The following PPEF1 variants were observed in gnomAD, a reference collection of about 807,000 sequenced individuals.
PPEF1 encodes the protein protein phosphatase with EF-hand domain 1.
PPEF1 carries 12 observed loss-of-function variants against 53.3 expected under a neutral mutation model. That is an observed-to-expected ratio of 0.23 (90% CI 0.14 to 0.36). The LOEUF (loss-of-function observed/expected upper bound fraction) is 0.36. Ranked by LOEUF, PPEF1 falls within the 10% of genes least tolerant of loss-of-function variation. PPEF1 has a pLI of 1.00. For missense variants in PPEF1, 334 were observed against 490.4 expected (o/e 0.68, Z 3.01); for synonymous variants, 165 against 176.7 (o/e 0.93, Z 0.52).
chrX:18,779,282 T>G, intron 7 of PPEF1, 106 bp downstream of exon 7: 1 of 770,292 alleles, frequency 1.3e-6, no homozygotes, highest in East Asian at 3.3e-5. Flanking sequence ...GGAAGAGGGA[T>G]GAGGGGGATC....
chrX:18,768,315 G>A (rs956314061), intron 6 of PPEF1, among the ~76,000 whole-genome samples: 2 of 111,967 alleles, frequency 1.8e-5, no homozygotes, highest in Admixed American at 1.9e-4. Context: ...AAAACCTCAG[G>A]CTTTGAATTA....
intron 9 of PPEF1, among the ~76,000 whole-genome samples, chrX:18,788,088 G>A (rs886936564): frequency 2.7e-5 from 3 of 111,478 alleles, no homozygotes; most frequent in African/African-American, 6.5e-5. Flanking sequence ...AGGCCAAGGC[G>A]GGCGGATCAC....
intron 12 of PPEF1, among the ~76,000 whole-genome samples, chrX:18,811,954 T>G (rs1358183894): frequency 9.0e-6 from 1 of 111,124 alleles, no homozygotes; most frequent in Non-Finnish European, 1.9e-5. Flanking sequence ...TTCTGTGGGA[T>G]CTCTTATCCC....
intron 3 of PPEF1, among the ~76,000 whole-genome samples, chrX:18,742,578 G>T (rs2045203709): frequency 9.0e-6 from 1 of 111,195 alleles, no homozygotes; most frequent in South Asian, 3.8e-4. Flanking sequence ...TTACCTCTCG[G>T]CCAGGTGCAG....
intron 6 of PPEF1, among the ~76,000 whole-genome samples, chrX:18,773,108 C>T (rs1487806010): frequency 1.8e-5 from 2 of 112,527 alleles, no homozygotes; most frequent in Non-Finnish European, 3.8e-5. Context: ...AATTAGGCTT[C>T]ACCTTGTAAA....
At chrX:18,805,570 C>A (rs2046641202) in intron 11 of PPEF1, among the ~76,000 whole-genome samples, 1 of 110,875 alleles carries the variant, frequency 9.0e-6, no homozygotes. Flanking sequence ...CCTGGCTGGG[C>A]ACGGTGGCTC....
At chrX:18,764,725 A>G (rs1428198709) in intron 6 of PPEF1, among the ~76,000 whole-genome samples, 1 of 111,822 alleles carries the variant, frequency 8.9e-6, no homozygotes, top group African/African-American at 3.3e-5. Context: ...TGTGGAGAAC[A>G]ACAACAAACC....
At chrX:18,696,315 G>A (rs1233435134) in intron 4 of PPEF1, among the ~76,000 whole-genome samples, 2 of 89,043 alleles carry the variant, frequency 2.2e-5, no homozygotes, top group Non-Finnish European at 4.7e-5. Flanking sequence ...ACCACACCCA[G>A]CTAATTTTTT....
At chrX:18,733,665 C>A in intron 2 of PPEF1, 83 bp from the exon 3 acceptor site, 1 of 791,879 alleles carries the variant, frequency 1.3e-6, no homozygotes, top group Non-Finnish European at 1.8e-6. Flanking sequence ...AGAGTAAGGG[C>A]ACTCGGGTGG....
chrX:18,785,766 C>T (rs1370708222), intron 9 of PPEF1, among the ~76,000 whole-genome samples: 1 of 110,418 alleles, frequency 9.1e-6, no homozygotes, highest in Non-Finnish European at 1.9e-5. Flanking sequence ...CCTGTGGTCC[C>T]AGCTACTTGG....
intron 6 of PPEF1, among the ~76,000 whole-genome samples, chrX:18,775,415 G>A (rs1246678619): frequency 9.1e-6 from 1 of 109,713 alleles, no homozygotes; most frequent in Non-Finnish European, 1.9e-5. Flanking sequence ...AGTAGAGATG[G>A]GGTTTCACCA....
intron 5 of PPEF1, 95 bp from the exon 6 acceptor site, chrX:18,761,435 G>A: frequency 1.3e-6 from 1 of 776,945 alleles, no homozygotes; most frequent in Non-Finnish European, 2.0e-6. Flanking sequence ...CCAATGCCCT[G>A]AGAACACTTG....
chrX:18,815,759 C>T (rs2046894909), intron 12 of PPEF1, among the ~76,000 whole-genome samples: 2 of 107,002 alleles, frequency 1.9e-5, no homozygotes, highest in Admixed American at 2.1e-4. Flanking sequence ...TTTCAAAGAA[C>T]CAATTTTTAG....
At chrX:18,749,697 G>A in intron 3 of PPEF1, 95 bp from the exon 4 acceptor site, 1 of 627,952 alleles carries the variant, frequency 1.6e-6, no homozygotes, top group South Asian at 2.9e-5. Flanking sequence ...CCTTACATGG[G>A]CTAGGTATTC....
chrX:18,763,979 A>G (rs1249813128), intron 6 of PPEF1, among the ~76,000 whole-genome samples: 2 of 111,757 alleles, frequency 1.8e-5, no homozygotes, highest in Admixed American at 1.9e-4. Context: ...GACATCAGCC[A>G]CAGAATCTAA....
intron 3 of PPEF1, among the ~76,000 whole-genome samples, chrX:18,748,060 A>G (rs2045365710): frequency 8.9e-6 from 1 of 112,113 alleles, no homozygotes; most frequent in African/African-American, 3.2e-5. Flanking sequence ...TGAATCTGAG[A>G]TAAAGTTGTC....
At chrX:18,689,197 T>C (rs1408723263) in intron 3 of PPEF1, among the ~76,000 whole-genome samples, 1 of 110,502 alleles carries the variant, frequency 9.0e-6, no homozygotes, top group Non-Finnish European at 1.9e-5. Context: ...ATTTTTCTTT[T>C]GGTTTACACT....
At chrX:18,738,534 C>T (rs572952360) in intron 3 of PPEF1, among the ~76,000 whole-genome samples, 1 of 112,043 alleles carries the variant, frequency 8.9e-6, no homozygotes, top group South Asian at 3.7e-4. Flanking sequence ...GTAACCCGAC[C>T]TTTCTCTCTG....
chrX:18,781,300 T>C (rs1438323864), intron 7 of PPEF1, among the ~76,000 whole-genome samples: 1 of 110,083 alleles, frequency 9.1e-6, no homozygotes, highest in African/African-American at 3.3e-5. Flanking sequence ...CATCATCCTG[T>C]GGTATTAACA....
Sources: gnomAD v4.1 joint callset for allele counts (sites outside exome capture counted in the v4.1 genomes callset) on GRCh38, gnomAD v4.1.1 for gene constraint, MANE v1.5 for transcripts, NCBI Gene and HGNC (gene_info 2026-07-23, HGNC 2026-07-21) for gene names.